Variants in DPP10 observed in about 807,000 individuals in gnomAD.
DPP10 encodes the protein dipeptidyl peptidase like 10.
A neutral mutation model predicts 120.9 loss-of-function variants in DPP10; 33 were observed. That is an observed-to-expected ratio of 0.27 (90% CI 0.21 to 0.37). The LOEUF (loss-of-function observed/expected upper bound fraction) is 0.37, where lower values mean the gene tolerates loss of function less well. Ranked by LOEUF, DPP10 falls within the 10% of genes least tolerant of loss-of-function variation. The pLI is 1.00. For missense variants in DPP10, 816 were observed against 942.8 expected (o/e 0.87, Z 1.76); for synonymous variants, 337 against 326.1 (o/e 1.03, Z -0.36).
chr2:114,588,332 A>G (rs1691171379), intron 1 of DPP10, among the ~76,000 whole-genome samples: 1 of 152,242 alleles, frequency 6.6e-6, no homozygotes, highest in Non-Finnish European at 1.5e-5. Flanking sequence ...CCAAATAGTC[A>G]CAAAAGTGCC....
chr2:114,825,728 G>A (rs768100653), intron 1 of DPP10, among the ~76,000 whole-genome samples: 5 of 152,102 alleles, frequency 3.3e-5, no homozygotes, highest in African/African-American at 4.8e-5. Context: ...TATTTAATGC[G>A]TGACGAGTCT....
At chr2:115,682,260 T>C (rs996121484) in intron 5 of DPP10, among the ~76,000 whole-genome samples, 17 of 151,962 alleles carry the variant, frequency 1.1e-4, no homozygotes, top group African/African-American at 3.9e-4. Flanking sequence ...AAGTAGAAAA[T>C]AGTTTAATGC....
intron 1 of DPP10, among the ~76,000 whole-genome samples, chr2:114,720,719 C>T (rs1249603702): frequency 6.6e-6 from 1 of 152,182 alleles, no homozygotes; most frequent in East Asian, 1.9e-4. Flanking sequence ...ATCTGGTTCT[C>T]CTCTACTTTC....
At chr2:115,379,927 A>G (rs894290503) in intron 3 of DPP10, among the ~76,000 whole-genome samples, 2 of 152,084 alleles carry the variant, frequency 1.3e-5, no homozygotes, top group African/African-American at 2.4e-5. Flanking sequence ...ATAGTTTGTT[A>G]TAATTTCTGT....
intron 1 of DPP10, among the ~76,000 whole-genome samples, chr2:114,714,264 A>T (rs558084930): frequency 1.3e-5 from 2 of 152,176 alleles, no homozygotes; most frequent in Non-Finnish European, 2.9e-5. Flanking sequence ...AGTGGCAGCC[A>T]AAGTTTTTTA....
At chr2:115,050,725 C>T (rs548604220) in intron 1 of DPP10, among the ~76,000 whole-genome samples, 13 of 152,270 alleles carry the variant, frequency 8.5e-5, no homozygotes, top group Admixed American at 4.6e-4. Context: ...TAATCTCTCG[C>T]CACTGACTAA....
chr2:114,684,270 C>T (rs1699226234), intron 1 of DPP10, among the ~76,000 whole-genome samples: 1 of 151,870 alleles, frequency 6.6e-6, no homozygotes. Flanking sequence ...GCTCTTTTAC[C>T]TCCCGGCCAC....
At chr2:115,108,589 T>A (rs1239198890) in intron 1 of DPP10, among the ~76,000 whole-genome samples, 1 of 152,204 alleles carries the variant, frequency 6.6e-6, no homozygotes, top group African/African-American at 2.4e-5. Context: ...AGTAAGCCAA[T>A]TTAAAACCTG....
At chr2:115,277,886 C>A (rs905810078) in intron 1 of DPP10, among the ~76,000 whole-genome samples, 4 of 152,230 alleles carry the variant, frequency 2.6e-5, no homozygotes, top group African/African-American at 7.2e-5. Context: ...CTAACTTCTA[C>A]TGTTAACATC....
chr2:115,152,354 T>C (rs979575796), intron 1 of DPP10, among the ~76,000 whole-genome samples: 6 of 152,238 alleles, frequency 3.9e-5, no homozygotes, highest in Non-Finnish European at 8.8e-5. Flanking sequence ...TTTGCCAGTC[T>C]CTGGTCCATA....
intron 1 of DPP10, among the ~76,000 whole-genome samples, chr2:114,504,003 C>T (rs1006148289): frequency 1.3e-5 from 2 of 152,142 alleles, no homozygotes; most frequent in African/African-American, 2.4e-5. Context: ...ATGTTTTAAC[C>T]AAGTGTAGTA....
At chr2:115,380,377 C>T (rs1011795849) in intron 3 of DPP10, among the ~76,000 whole-genome samples, 3 of 152,112 alleles carry the variant, frequency 2.0e-5, no homozygotes, top group African/African-American at 7.2e-5. Flanking sequence ...ATTGCAGCCC[C>T]TGCCTTTTTT....
intron 5 of DPP10, among the ~76,000 whole-genome samples, chr2:115,676,620 G>T (rs1291181685): frequency 1.3e-5 from 2 of 152,090 alleles, no homozygotes; most frequent in African/African-American, 4.8e-5. Flanking sequence ...TTACAGACAG[G>T]CCTTTTGAGA....
chr2:115,836,860 AG>A (rs2150122782), intron 24 of DPP10, 114 bp downstream of exon 24: 1 of 869,788 alleles, frequency 1.1e-6, no homozygotes, highest in Admixed American at 2.6e-5. Context: ...GGGAGCAGAG[AG>A]TCACACAAAG....
At chr2:115,738,387 C>T (rs532369737) in intron 8 of DPP10, among the ~76,000 whole-genome samples, 1 of 152,034 alleles carries the variant, frequency 6.6e-6, no homozygotes, top group Admixed American at 6.6e-5. Context: ...AAGAACCATG[C>T]GAACTTGTTT....
At chr2:114,872,991 A>C (rs1331030060) in intron 1 of DPP10, among the ~76,000 whole-genome samples, 1 of 152,210 alleles carries the variant, frequency 6.6e-6, no homozygotes, top group African/African-American at 2.4e-5. Context: ...GCTTCGCCAC[A>C]TGGAAACCAA....
At chr2:115,006,279 A>G (rs532970424) in intron 1 of DPP10, among the ~76,000 whole-genome samples, 3 of 152,182 alleles carry the variant, frequency 2.0e-5, no homozygotes, top group Non-Finnish European at 4.4e-5. Flanking sequence ...AAATGTAAAG[A>G]CCATCGAGAC....
In DPP10 at chr2:115,836,729, T is replaced by G; in HGVS notation, c.2165T>G (p.Ile722Ser). The change falls in exon 24 of 26, where the codon ATT becomes AGT. Residue 722 changes from isoleucine to serine, a missense_variant. Ile to Ser is a moderately radical substitution (Grantham distance 142, BLOSUM62 -2). Around this residue, in one of 3 missense-constraint regions of DPP10, gnomAD observed 592 missense variants for 649.0 expected, o/e 0.91. Transcript: ENST00000410059. Reference protein sequence around the residue: ...HGLKEENILIIHGTADTKVHF... With the variant: ...HGLKEENILISHGTADTKVHF... Reference sequence around the variant, plus strand: ...TTGAAAGAAGAAAATATATTAATAATTCATGGAACTGCTGACAGTAAGTAT... The same window carrying G: ...TTGAAAGAAGAAAATATATTAATAAGTCATGGAACTGCTGACAGTAAGTAT... 1 of 1,613,074 alleles carries G rather than the reference T, an allele frequency of 6.2e-7. No individual in the cohort carries two copies. Among genetic ancestry groups the G allele is most frequent in the Non-Finnish European group, 8.5e-7 (1 of 1,179,590 alleles).
At chr2:114,496,919 C>T (rs1288697951) in intron 1 of DPP10, among the ~76,000 whole-genome samples, 2 of 151,790 alleles carry the variant, frequency 1.3e-5, no homozygotes, top group African/African-American at 2.4e-5. Context: ...AATTACAGCA[C>T]AAGAATTTTA....
Sources: allele counts gnomAD v4.1 joint callset (sites outside exome capture counted in the v4.1 genomes callset), GRCh38; gene constraint gnomAD v4.1.1; regional missense constraint gnomAD v4.1.1; transcripts MANE v1.5; gene names NCBI Gene and HGNC (gene_info 2026-07-23, HGNC 2026-07-21).